The following CNTNAP5 variants were observed in gnomAD, a reference collection of about 807,000 sequenced individuals.
The protein encoded by CNTNAP5 is contactin associated protein family member 5.
Under a neutral mutation model 150.2 loss-of-function variants are expected in CNTNAP5, and 72 were observed. The ratio of observed to expected loss-of-function variants is 0.48; its 90% CI spans 0.40 to 0.58. CNTNAP5 has a LOEUF of 0.58. Ranked by LOEUF, CNTNAP5 falls within the 20% of genes least tolerant of loss-of-function variation. The probability of loss-of-function intolerance (pLI) is 0.00; values close to 1 mark genes in which losing one functional copy is unlikely to be tolerated. For missense variants in CNTNAP5, 1,636 were observed against 1,626.2 expected (o/e 1.01, Z -0.10); for synonymous variants, 672 against 619.8 (o/e 1.08, Z -1.25).
At chr2:124,565,463 C>T (rs978437344) in intron 11 of CNTNAP5, among the ~76,000 whole-genome samples, 1 of 151,140 alleles carries the variant, frequency 6.6e-6, no homozygotes, top group Non-Finnish European at 1.5e-5. Flanking sequence ...TAAACATATA[C>T]ACCTACTATG....
At chr2:124,771,402 T>C (rs1681188574) in intron 16 of CNTNAP5, among the ~76,000 whole-genome samples, 1 of 152,088 alleles carries the variant, frequency 6.6e-6, no homozygotes, top group Admixed American at 6.5e-5. Flanking sequence ...GACAATATAC[T>C]CAACAGAGCA....
intron 1 of CNTNAP5, among the ~76,000 whole-genome samples, chr2:124,098,915 C>G (rs1213741481): frequency 6.6e-6 from 1 of 152,146 alleles, no homozygotes; most frequent in African/African-American, 2.4e-5. Context: ...AGCCTGAAGA[C>G]ACTGCACCAA....
chr2:124,117,023 G>A (rs2104711943), intron 1 of CNTNAP5, among the ~76,000 whole-genome samples: 1 of 152,340 alleles, frequency 6.6e-6, no homozygotes, highest in South Asian at 2.1e-4. Flanking sequence ...CCCTTGAAAT[G>A]TGAGACAGCA....
intron 11 of CNTNAP5, among the ~76,000 whole-genome samples, chr2:124,577,552 C>G (rs1168138495): frequency 6.6e-6 from 1 of 152,106 alleles, no homozygotes; most frequent in Non-Finnish European, 1.5e-5. Context: ...GTGGGTGACA[C>G]TTGTGCAATT....
At chr2:124,671,510 ATAATT>A (rs1362967264) in intron 13 of CNTNAP5, among the ~76,000 whole-genome samples, 5 of 152,216 alleles carry the variant, frequency 3.3e-5, no homozygotes, top group African/African-American at 9.6e-5. Flanking sequence ...TCATGGCCCT[ATAATT>A]TAATTTAAGT....
intron 1 of CNTNAP5, among the ~76,000 whole-genome samples, chr2:124,168,462 C>T (rs1529303): frequency 0.97 from 147,507 of 152,284 alleles, 71,616 homozygotes; most frequent in East Asian, 1. Context: ...CTCCATTTGT[C>T]GGACAAAAAG....
chr2:124,419,948 CTTT>C (rs1558894015), intron 4 of CNTNAP5, among the ~76,000 whole-genome samples: 2 of 112,760 alleles, frequency 1.8e-5, no homozygotes, highest in African/African-American at 3.7e-5. Context: ...TTCTTTCTTT[CTTT>C]CTTTCCTTTT....
At chr2:124,692,391 G>T (rs1307405086) in intron 13 of CNTNAP5, among the ~76,000 whole-genome samples, 1 of 152,102 alleles carries the variant, frequency 6.6e-6, no homozygotes, top group African/African-American at 2.4e-5. Context: ...TTGTGTCTGA[G>T]ACCATATGGC....
chr2:124,075,875 A>G (rs1682424670), intron 1 of CNTNAP5, among the ~76,000 whole-genome samples: 1 of 152,142 alleles, frequency 6.6e-6, no homozygotes, highest in Admixed American at 6.6e-5. Flanking sequence ...CCTTTACTCA[A>G]AATTCATATA....
intron 1 of CNTNAP5, among the ~76,000 whole-genome samples, chr2:124,110,772 A>T (rs1049920197): frequency 1.3e-5 from 2 of 152,210 alleles, no homozygotes; most frequent in Non-Finnish European, 2.9e-5. Context: ...ATTCTACTGT[A>T]AAATGTACCT....
chr2:124,324,341 T>A (rs1328238979), intron 3 of CNTNAP5, among the ~76,000 whole-genome samples: 2 of 152,180 alleles, frequency 1.3e-5, no homozygotes, highest in African/African-American at 4.8e-5. Flanking sequence ...TGTACTGACA[T>A]TGACTGTTGG....
intron 13 of CNTNAP5, among the ~76,000 whole-genome samples, chr2:124,742,847 T>G (rs541403689): frequency 6.6e-6 from 1 of 152,230 alleles, no homozygotes; most frequent in Admixed American, 6.5e-5. Flanking sequence ...TGGAGGAGTC[T>G]CCCATCAGGT....
At chr2:124,904,379 CAG>C (rs1181441621) in intron 22 of CNTNAP5, among the ~76,000 whole-genome samples, 5 of 151,948 alleles carry the variant, frequency 3.3e-5, no homozygotes, top group Non-Finnish European at 1.5e-5. Context: ...TAAGCATTAA[CAG>C]AGAGTTTGTT....
chr2:124,068,550 G>T (rs1682220749), intron 1 of CNTNAP5, among the ~76,000 whole-genome samples: 1 of 151,966 alleles, frequency 6.6e-6, no homozygotes, highest in Admixed American at 6.6e-5. Context: ...CATTTCTTAG[G>T]CACGTCCTGA....
At chr2:124,901,565 G>C (rs778978814) in intron 21 of CNTNAP5, among the ~76,000 whole-genome samples, 2 of 152,146 alleles carry the variant, frequency 1.3e-5, no homozygotes, top group African/African-American at 2.4e-5. Context: ...TATTCCCCAA[G>C]AGTGTCAAGA....
rs1273481202 is a variant in CNTNAP5, at chr2:124,554,663, C to G, written c.1650-8554C>G. ...TCTTGAACACCTGACCTCAAGCAATCCTCCTGCCTCGGCCTCCTAAAGGGC... is the reference window on the plus strand; with the variant it reads ...TCTTGAACACCTGACCTCAAGCAATGCTCCTGCCTCGGCCTCCTAAAGGGC... On this transcript the variant is annotated intron_variant, in intron 10 of 23. Coordinates refer to ENST00000682447, the MANE Select transcript of CNTNAP5 (RefSeq NM_001367498.1). Among the ~76,000 whole-genome samples the G allele has an allele frequency of 8.5e-5, 13 of 152,220 alleles. 1 individual carries two copies. In the East Asian group the frequency reaches 2.1e-3, roughly 25 times the overall value.
intron 1 of CNTNAP5, among the ~76,000 whole-genome samples, chr2:124,051,650 T>C (rs1681699701): frequency 6.6e-6 from 1 of 152,180 alleles, no homozygotes; most frequent in African/African-American, 2.4e-5. Flanking sequence ...GGGGCTTACA[T>C]AGATTTGAAG....
chr2:124,297,877 C>T (rs541215392), intron 3 of CNTNAP5, among the ~76,000 whole-genome samples: 129 of 149,912 alleles, frequency 8.6e-4, no homozygotes, highest in African/African-American at 2.9e-3. Context: ...TGGAGTCTCA[C>T]TCTGTTGCCC....
chr2:124,222,995 TA>T (rs2104742365), intron 2 of CNTNAP5, among the ~76,000 whole-genome samples: 1 of 152,246 alleles, frequency 6.6e-6, no homozygotes, highest in East Asian at 1.9e-4. Flanking sequence ...AAATTTCAAT[TA>T]AAATTTTGTA....
Sources: allele counts gnomAD v4.1 joint callset (sites outside exome capture counted in the v4.1 genomes callset), GRCh38; gene constraint gnomAD v4.1.1; transcripts MANE v1.5; gene names NCBI Gene and HGNC (gene_info 2026-07-23, HGNC 2026-07-21).